RAB31: variants seen among roughly 807,000 people sequenced by gnomAD.
RAB31 encodes the protein ras-related protein Rab-31.
RAB31 carries 21 observed loss-of-function variants against 25.6 expected under a neutral mutation model. The observed-to-expected ratio is 0.82, with a 90% CI of 0.58 to 1.18. RAB31 has a LOEUF of 1.18. Among genes scored for constraint, RAB31 ranks in the 50% most tolerant of loss-of-function variants. The probability of loss-of-function intolerance (pLI) is 0.00; values close to 1 mark genes in which losing one functional copy is unlikely to be tolerated. For missense variants in RAB31, 196 were observed against 250.1 expected (o/e 0.78, Z 1.46); for synonymous variants, 87 against 84.0 (o/e 1.04, Z -0.20).
At chr18:9,858,800 A>G (rs1394663748) in intron 6 of RAB31, among the ~76,000 whole-genome samples, 1 of 152,214 alleles carries the variant, frequency 6.6e-6, no homozygotes, top group African/African-American at 2.4e-5. Flanking sequence ...AGAAGCAGAA[A>G]AGATGGATGA....
At chr18:9,769,431 C>T (rs562602173) in intron 1 of RAB31, among the ~76,000 whole-genome samples, 1 of 152,244 alleles carries the variant, frequency 6.6e-6, no homozygotes, top group Non-Finnish European at 1.5e-5. Context: ...AGTTGTATTT[C>T]TAGGCATTTT....
At chr18:9,747,993 G>A (rs1264790399) in intron 1 of RAB31, among the ~76,000 whole-genome samples, 1 of 152,096 alleles carries the variant, frequency 6.6e-6, no homozygotes, top group Non-Finnish European at 1.5e-5. Context: ...ACGGTCAACG[G>A]CATCCACACA....
intron 5 of RAB31, among the ~76,000 whole-genome samples, chr18:9,828,053 A>G (rs2068658821): frequency 6.6e-6 from 1 of 152,188 alleles, no homozygotes; most frequent in Non-Finnish European, 1.5e-5. Flanking sequence ...TATGTGCCAC[A>G]GGCAGTTACG....
chr18:9,718,682 G>T (rs2068056320), intron 1 of RAB31, among the ~76,000 whole-genome samples: 1 of 152,202 alleles, frequency 6.6e-6, no homozygotes, highest in Non-Finnish European at 1.5e-5. Flanking sequence ...CAACAGAAAT[G>T]TATTTCCTTC....
At chr18:9,850,738 C>T (rs748357276) in intron 6 of RAB31, among the ~76,000 whole-genome samples, 20 of 152,114 alleles carry the variant, frequency 1.3e-4, no homozygotes, top group Non-Finnish European at 2.2e-4. Flanking sequence ...TGGCGGTGTG[C>T]ACCTGTAGTC....
chr18:9,725,800 G>A (rs1423273092), intron 1 of RAB31, among the ~76,000 whole-genome samples: 2 of 152,200 alleles, frequency 1.3e-5, no homozygotes, highest in African/African-American at 4.8e-5. Flanking sequence ...GTAACTGTTT[G>A]TCATTTCTGG....
chr18:9,853,785 G>C (rs931791307), intron 6 of RAB31, among the ~76,000 whole-genome samples: 2 of 151,740 alleles, frequency 1.3e-5, no homozygotes, highest in Non-Finnish European at 2.9e-5. Context: ...GATGAGGAGA[G>C]GAAGGTATAT....
intron 3 of RAB31, among the ~76,000 whole-genome samples, chr18:9,803,771 T>C (rs1039778447): frequency 1.3e-5 from 2 of 152,168 alleles, no homozygotes; most frequent in African/African-American, 2.4e-5. Flanking sequence ...AGCAGAGGTA[T>C]TGGAGAGGGG....
intron 3 of RAB31, among the ~76,000 whole-genome samples, chr18:9,792,597 C>G (rs1215580030): frequency 6.6e-6 from 1 of 152,206 alleles, no homozygotes; most frequent in Non-Finnish European, 1.5e-5. Flanking sequence ...CATCTCTACA[C>G]CTACCTTCAG....
At chr18:9,721,471 C>G (rs1315678029) in intron 1 of RAB31, among the ~76,000 whole-genome samples, 1 of 152,038 alleles carries the variant, frequency 6.6e-6, no homozygotes, top group African/African-American at 2.4e-5. Context: ...AAAAAATTAG[C>G]TGGGTGTGGT....
intron 1 of RAB31, among the ~76,000 whole-genome samples, chr18:9,709,410 G>C (rs932359951): frequency 7.2e-5 from 11 of 152,204 alleles, no homozygotes; most frequent in African/African-American, 2.7e-4. Flanking sequence ...CATTGGCAAA[G>C]CTGGTCTCAT....
At chr18:9,844,449 G>T (rs1285667486) in intron 5 of RAB31, among the ~76,000 whole-genome samples, 1 of 152,128 alleles carries the variant, frequency 6.6e-6, no homozygotes, top group Non-Finnish European at 1.5e-5. Flanking sequence ...CACACTTAAG[G>T]TGACCACCTC....
At chr18:9,746,749 A>G (rs1438328521) in intron 1 of RAB31, among the ~76,000 whole-genome samples, 1 of 152,218 alleles carries the variant, frequency 6.6e-6, no homozygotes, top group East Asian at 1.9e-4. Context: ...ACATTTGCAT[A>G]CCCTTTATAC....
chr18:9,709,960 T>C (rs1456672647), intron 1 of RAB31, among the ~76,000 whole-genome samples: 1 of 152,252 alleles, frequency 6.6e-6, no homozygotes, highest in East Asian at 1.9e-4. Context: ...GCAGCCTTGA[T>C]GTGCCGTGTT....
chr18:9,838,632 C>G (rs1262477918), intron 5 of RAB31, among the ~76,000 whole-genome samples: 1 of 152,204 alleles, frequency 6.6e-6, no homozygotes, highest in Non-Finnish European at 1.5e-5. Flanking sequence ...AACAACAAAA[C>G]AAGCACCCCT....
intron 1 of RAB31, among the ~76,000 whole-genome samples, chr18:9,772,329 T>C (rs1346429591): frequency 6.6e-6 from 1 of 150,982 alleles, no homozygotes; most frequent in Non-Finnish European, 1.5e-5. Flanking sequence ...CCAGGCGAGG[T>C]TTGTCACTGG....
intron 2 of RAB31, among the ~76,000 whole-genome samples, chr18:9,788,863 G>A (rs2068446207): frequency 6.6e-6 from 1 of 152,190 alleles, no homozygotes; most frequent in Admixed American, 6.5e-5. Flanking sequence ...CCAGCTACTT[G>A]GGAGGCTGGG....
chr18:9,745,334 C>G (rs2068200157), intron 1 of RAB31, among the ~76,000 whole-genome samples: 1 of 152,132 alleles, frequency 6.6e-6, no homozygotes, highest in Admixed American at 6.6e-5. Context: ...GGCTCAGGAC[C>G]AGATCGCTCT....
In RAB31 at chr18:9,777,288, G is replaced by A. The variant is rs1447495643; in HGVS notation, c.119+1931G>A. Among the ~76,000 whole-genome samples, 5 of 152,286 alleles carry A rather than the reference G, an allele frequency of 3.3e-5. No homozygotes were observed. The East Asian group carries it at 9.6e-4, about 29-fold the overall frequency. Reference sequence around the variant, plus strand: ...TGCAGTGAGCTGAGATTGTATCACTGCACTCCAGCCTGGGCAACAGAGCGA... The same window carrying A: ...TGCAGTGAGCTGAGATTGTATCACTACACTCCAGCCTGGGCAACAGAGCGA... On this transcript the variant is annotated intron_variant, in intron 2 of 6. Coordinates refer to ENST00000578921, the MANE Select transcript of RAB31 (RefSeq NM_006868.4).
Sources: gnomAD v4.1 joint callset for allele counts (sites outside exome capture counted in the v4.1 genomes callset) on GRCh38, gnomAD v4.1.1 for gene constraint, MANE v1.5 for transcripts, NCBI Gene and HGNC (gene_info 2026-07-23, HGNC 2026-07-21) for gene names.